Variants in SAMMSON observed in about 807,000 individuals in gnomAD.
SAMMSON encodes the protein survival associated mitochondrial melanoma specific oncogenic non-coding RNA.
At chr3:70,418,338 G>C (rs1001611146) in intron 2 of SAMMSON, among the ~76,000 whole-genome samples, 1 of 152,164 alleles carries the variant, frequency 6.6e-6, no homozygotes, top group African/African-American at 2.4e-5. Context: ...GTTACTCTCT[G>C]TTCATTTTAA....
At chr3:70,192,803 C>T (rs926727536) in intron 4 of SAMMSON, among the ~76,000 whole-genome samples, 3 of 152,300 alleles carry the variant, frequency 2.0e-5, no homozygotes, top group African/African-American at 4.8e-5. Context: ...AAAGTTGACT[C>T]GGCATCCTGT....
chr3:70,187,121 G>A (rs2106708977), intron 4 of SAMMSON, among the ~76,000 whole-genome samples: 1 of 152,316 alleles, frequency 6.6e-6, no homozygotes, highest in South Asian at 2.1e-4. Flanking sequence ...TGGGGAGTAG[G>A]AGGGTAGGAA....
At chr3:70,044,527 A>C (rs2067116891) in intron 3 of SAMMSON, among the ~76,000 whole-genome samples, 1 of 152,180 alleles carries the variant, frequency 6.6e-6, no homozygotes, top group East Asian at 1.9e-4. Context: ...AAATGCCTTC[A>C]ACAGATCAAA....
chr3:70,328,382 T>A (rs913817260), intron 7 of SAMMSON, among the ~76,000 whole-genome samples: 1 of 152,116 alleles, frequency 6.6e-6, no homozygotes, highest in African/African-American at 2.4e-5. Context: ...GGTGATAGAA[T>A]TGGTAGACAG....
intron 4 of SAMMSON, among the ~76,000 whole-genome samples, chr3:70,233,986 T>C (rs552621808): frequency 6.6e-6 from 1 of 152,348 alleles, no homozygotes; most frequent in African/African-American, 2.4e-5. Flanking sequence ...TTCTCTTGGC[T>C]AAAACTCTAG....
At chr3:70,390,231 C>T (rs923334723), downstream of SAMMSON, among the ~76,000 whole-genome samples, 3 of 151,936 alleles carry the variant, frequency 2.0e-5, no homozygotes, top group African/African-American at 4.8e-5. Flanking sequence ...GAGGAGTTGG[C>T]CTGGTAAAAT....
intron 4 of SAMMSON, among the ~76,000 whole-genome samples, chr3:70,076,596 G>A (rs978045252): frequency 6.6e-6 from 1 of 152,054 alleles, no homozygotes; most frequent in Non-Finnish European, 1.5e-5. Context: ...CCACAGTGTT[G>A]ATAAGCTACA....
intron 6 of SAMMSON, among the ~76,000 whole-genome samples, chr3:70,276,813 A>G (rs1047049887): frequency 4.6e-5 from 7 of 152,198 alleles, no homozygotes; most frequent in Non-Finnish European, 5.9e-5. Context: ...AGCCAGAAAT[A>G]TTTACTATCT....
chr3:70,432,040 G>A (rs1396249039), intron 2 of SAMMSON, among the ~76,000 whole-genome samples: 1 of 151,916 alleles, frequency 6.6e-6, no homozygotes, highest in Non-Finnish European at 1.5e-5. Flanking sequence ...GTACATGTAG[G>A]TCTTTGTATG....
intron 4 of SAMMSON, among the ~76,000 whole-genome samples, chr3:70,241,995 AC>A (rs1395063850): frequency 6.6e-6 from 1 of 152,198 alleles, no homozygotes; most frequent in Non-Finnish European, 1.5e-5. Flanking sequence ...AGTAGGTGGC[AC>A]CAACACAGTT....
intron 3 of SAMMSON, among the ~76,000 whole-genome samples, chr3:70,037,753 G>A (rs976589922): frequency 1.3e-5 from 2 of 152,134 alleles, no homozygotes; most frequent in African/African-American, 4.8e-5. Context: ...TTCCAGTTGA[G>A]CTGGAATACA....
intron 2 of SAMMSON, among the ~76,000 whole-genome samples, chr3:70,407,505 T>C (rs1701185980): frequency 1.3e-5 from 2 of 152,126 alleles, no homozygotes; most frequent in African/African-American, 4.8e-5. Flanking sequence ...CAAAGGAGTA[T>C]AGGGCCCATA....
chr3:70,084,894 A>C (rs763115348), intron 4 of SAMMSON: 1 of 152,202 alleles, frequency 6.6e-6, no homozygotes, highest in African/African-American at 2.4e-5. Flanking sequence ...AAAACAACTA[A>C]TTACATTGAC....
chr3:70,315,749 A>G (rs1702489464), intron 7 of SAMMSON, among the ~76,000 whole-genome samples: 1 of 152,094 alleles, frequency 6.6e-6, no homozygotes. Context: ...GGCTGGGAGT[A>G]AAGAGAATCC....
At chr3:70,180,699 G>A (rs372817203) in intron 4 of SAMMSON, among the ~76,000 whole-genome samples, 5 of 152,222 alleles carry the variant, frequency 3.3e-5, no homozygotes, top group Middle Eastern at 3.4e-3. Flanking sequence ...GTGCTACTCC[G>A]AACCCATTTA....
chr3:70,290,521 G>A (rs1009551233), intron 6 of SAMMSON, among the ~76,000 whole-genome samples: 1 of 152,220 alleles, frequency 6.6e-6, no homozygotes, highest in Non-Finnish European at 1.5e-5. Context: ...TTGTTTGTCT[G>A]TGCCCTGCCC....
chr3:70,340,265 A>G (rs1183461898), intron 7 of SAMMSON, among the ~76,000 whole-genome samples: 2 of 130,016 alleles, frequency 1.5e-5, no homozygotes, highest in Admixed American at 1.6e-4. Flanking sequence ...GGGGGGAGGG[A>G]TAGCATTAGG....
intron 6 of SAMMSON, among the ~76,000 whole-genome samples, chr3:70,261,170 G>A (rs1219532005): frequency 6.6e-6 from 1 of 152,142 alleles, no homozygotes; most frequent in Non-Finnish European, 1.5e-5. Context: ...GTTCCCTTAT[G>A]CATTGCTTGA....
chr3:70,150,091 CTG>C (rs1356440110), intron 4 of SAMMSON, among the ~76,000 whole-genome samples: 1 of 151,970 alleles, frequency 6.6e-6, no homozygotes, highest in Non-Finnish European at 1.5e-5. Flanking sequence ...ACTTCACTGT[CTG>C]TTTTAATATC....
Sources: allele counts gnomAD v4.1 joint callset (sites outside exome capture counted in the v4.1 genomes callset), GRCh38; gene constraint gnomAD v4.1.1; transcripts MANE v1.5; gene names NCBI Gene and HGNC (gene_info 2026-07-23, HGNC 2026-07-21).